AMN1: variants seen among roughly 807,000 people sequenced by gnomAD.
The protein encoded by AMN1 is protein AMN1 homolog.
AMN1 carries 20 observed loss-of-function variants against 33.0 expected under a neutral mutation model. The ratio of observed to expected loss-of-function variants is 0.61; its 90% CI spans 0.43 to 0.88. The LOEUF is 0.88. Ranked by LOEUF, AMN1 falls within the 40% of genes least tolerant of loss-of-function variation. AMN1 has a pLI of 0.00. For synonymous variants in AMN1, 114 were observed against 111.9 expected, an observed-to-expected ratio of 1.02 and a Z score of -0.12; for missense variants, 246 against 307.4, an observed-to-expected ratio of 0.80 and a Z score of 1.49.
Position 31,697,735 on chromosome 12 carries a change from T to C in AMN1, c.534+5A>G. ...CTATATGTTTGTAGCCTATATGTCA[T>C]TTACCTGAGTAGCTGAAAAGTCGAC... On this transcript the variant is annotated splice_donor_5th_base_variant and intron_variant, in intron 4 of 6. Transcript: ENST00000281471. 1 of 1,612,954 alleles carries C rather than the reference T, an allele frequency of 6.2e-7. No individual in the cohort carries two copies. Among genetic ancestry groups the C allele is most frequent in the Non-Finnish European group, 8.5e-7 (1 of 1,178,956 alleles).
intron 5 of AMN1, among the ~76,000 whole-genome samples, chr12:31,689,880 C>T (rs185104252): frequency 2.0e-5 from 3 of 152,216 alleles, no homozygotes; most frequent in East Asian, 1.9e-4. Context: ...ACACTGAACC[C>T]GATTTTTAGT....
At chr12:31,681,154 A>G (rs1937992362) in intron 6 of AMN1, among the ~76,000 whole-genome samples, 1 of 152,216 alleles carries the variant, frequency 6.6e-6, no homozygotes, top group Non-Finnish European at 1.5e-5. Context: ...TTTTATATGA[A>G]CTATTTAAAA....
chr12:31,673,524 G>C, intron 6 of AMN1: 1 of 245,748 alleles, frequency 4.1e-6, no homozygotes, highest in Non-Finnish European at 8.3e-6. Flanking sequence ...AAATTATGTT[G>C]AAAGTAAAAG....
intron 5 of AMN1, among the ~76,000 whole-genome samples, chr12:31,690,159 T>A (rs565163733): frequency 6.6e-6 from 1 of 152,258 alleles, no homozygotes; most frequent in East Asian, 1.9e-4. Context: ...CACTCGTTGA[T>A]TGATGGGCAT....
intron 6 of AMN1, among the ~76,000 whole-genome samples, chr12:31,679,558 G>T (rs2139655844): frequency 6.6e-6 from 1 of 152,076 alleles, no homozygotes; most frequent in African/African-American, 2.4e-5. Flanking sequence ...TTTAAATCAG[G>T]TTAAAACAAA....
chr12:31,717,790 G>A (rs1388589766), intron 1 of AMN1, among the ~76,000 whole-genome samples: 3 of 151,948 alleles, frequency 2.0e-5, no homozygotes, highest in Admixed American at 1.3e-4. Flanking sequence ...TGCCATGGTG[G>A]TTTGCTGCCC....
intron 6 of AMN1, among the ~76,000 whole-genome samples, chr12:31,688,609 AC>A (rs905996673): frequency 4.6e-5 from 7 of 152,076 alleles, no homozygotes; most frequent in Non-Finnish European, 1.0e-4. Flanking sequence ...GGAGTTAGAG[AC>A]CAGCCTGGGC....
At chr12:31,719,652 A>G (rs1939807641) in intron 1 of AMN1, among the ~76,000 whole-genome samples, 1 of 152,188 alleles carries the variant, frequency 6.6e-6, no homozygotes. Flanking sequence ...CATTGAGAGT[A>G]GGCATGTAAT....
intron 5 of AMN1, among the ~76,000 whole-genome samples, chr12:31,692,471 A>G (rs1938545285): frequency 6.6e-6 from 1 of 151,276 alleles, no homozygotes; most frequent in South Asian, 2.1e-4. Context: ...AAACAAACGA[A>G]AAAAAACATA....
chr12:31,699,857 A>C (rs1268144310), intron 3 of AMN1, among the ~76,000 whole-genome samples: 1 of 152,190 alleles, frequency 6.6e-6, no homozygotes, highest in Non-Finnish European at 1.5e-5. Context: ...TAGTGTCAGA[A>C]TTGAATTAAA....
chr12:31,720,464 A>G (rs568932003), intron 1 of AMN1, among the ~76,000 whole-genome samples: 1 of 152,008 alleles, frequency 6.6e-6, no homozygotes, highest in Non-Finnish European at 1.5e-5. Flanking sequence ...CGCTTGAACC[A>G]TGGAGGAAGA....
At chr12:31,673,918 T>A (rs896233154) in intron 6 of AMN1, among the ~76,000 whole-genome samples, 5 of 152,198 alleles carry the variant, frequency 3.3e-5, no homozygotes, top group African/African-American at 7.2e-5. Context: ...AATTTGTTAT[T>A]GTACAGTTTT....
chr12:31,686,643 C>A (rs987121042), intron 6 of AMN1, among the ~76,000 whole-genome samples: 36 of 152,082 alleles, frequency 2.4e-4, no homozygotes, highest in Admixed American at 1.8e-3. Flanking sequence ...TACAGATGGG[C>A]AAAATTTTCC....
At position 31,683,525 on chromosome 12, in the gene AMN1, G is replaced by T. The variant is rs977101069; in HGVS notation, c.703+5482C>A. 2.0e-5 allele frequency among the ~76,000 whole-genome samples: 3 copies of T among 152,166 alleles called. No individual in the cohort carries two copies. Among genetic ancestry groups the T allele is most frequent in the East Asian group, 3.8e-4 (2 of 5,200 alleles). On this transcript the variant is annotated intron_variant, in intron 6 of 6. Transcript: ENST00000281471. This position sits in a 1 kb window ranked among gnomAD's most constrained non-coding sequence, Gnocchi z 4.1. ...TTCCCATGTGTCGTGAGAGGGACCC[G>T]GTGGGAGGTAATTGAATCATGGGGG...
rs1264199354 is a variant in AMN1 at position 31,697,502 on chromosome 12, A to G, written c.535-85T>C. 30 of 1,299,898 alleles carry G rather than the reference A, an allele frequency of 2.3e-5. No individual in the cohort carries two copies. In the East Asian group the frequency reaches 4.4e-4, roughly 19 times the overall value. The allele number at this position is 1,299,898 out of a possible 1,614,324, so 80.5% of individuals were successfully genotyped here. A position where few individuals can be genotyped will look rare whatever the true frequency, so the allele number is the denominator to read the frequency against. ...CAAAATGTATTCATTATTTAGATAT[A>G]GTCTTAATGCCTCCCATTCATCAAA... On this transcript the variant is annotated intron_variant, in intron 4 of 6. Coordinates refer to ENST00000281471, the MANE Select transcript of AMN1 (RefSeq NM_001113402.2).
intron 1 of AMN1, among the ~76,000 whole-genome samples, chr12:31,709,710 T>G (rs1432875648): frequency 6.6e-6 from 1 of 152,096 alleles, no homozygotes. Flanking sequence ...GAGCCTGTAG[T>G]CCCAGCTACT....
At chr12:31,723,037 A>G (rs1380227642) in intron 1 of AMN1, among the ~76,000 whole-genome samples, 1 of 152,146 alleles carries the variant, frequency 6.6e-6, no homozygotes, top group Non-Finnish European at 1.5e-5. Flanking sequence ...GCATGCCTGT[A>G]ATCCCAGCTA....
chr12:31,682,858 T>G (rs1938084829), intron 6 of AMN1, among the ~76,000 whole-genome samples: 1 of 152,124 alleles, frequency 6.6e-6, no homozygotes. Flanking sequence ...ATCAAAAATA[T>G]TTTTATTCCA....
chr12:31,680,327 A>G (rs1194379632), intron 6 of AMN1, among the ~76,000 whole-genome samples: 1 of 151,396 alleles, frequency 6.6e-6, no homozygotes, highest in Non-Finnish European at 1.5e-5. Flanking sequence ...CAGCCTCCCA[A>G]ATACCTGGGA....
Sources: gnomAD v4.1 joint callset for allele counts (sites outside exome capture counted in the v4.1 genomes callset) on GRCh38, gnomAD v4.1.1 for gene constraint, Gnocchi (gnomAD v3.1) non-coding constraint, MANE v1.5 for transcripts, NCBI Gene and HGNC (gene_info 2026-07-23, HGNC 2026-07-21) for gene names.